IRGM: variants seen among roughly 807,000 people sequenced by gnomAD.
IRGM encodes immunity-related GTPase family M protein.
For missense variants in IRGM, 288 were observed against 219.9 expected, an observed-to-expected ratio of 1.31 and a Z score of -1.96; for synonymous variants, 98 against 80.6, an observed-to-expected ratio of 1.22 and a Z score of -1.16.
downstream of IRGM, chr5:150,848,739 A>T (rs951961808): frequency 2.7e-6 from 3 of 1,092,022 alleles, no homozygotes; most frequent in Non-Finnish European, 3.9e-6. Flanking sequence ...CACTGGACTC[A>T]TTGAAACACA....
chr5:150,882,018 C>CA (rs1754452931), intron 3 of IRGM, among the ~76,000 whole-genome samples: 2 of 151,934 alleles, frequency 1.3e-5, no homozygotes, highest in South Asian at 4.2e-4. Context: ...ACTGTCTCTG[C>CA]AAAAAATACA....
At chr5:150,853,522 G>C (rs140669933), downstream of IRGM, among the ~76,000 whole-genome samples, 144 of 152,156 alleles carry the variant, frequency 9.5e-4, 1 homozygote, top group African/African-American at 3.3e-3. Context: ...TATTACTGTA[G>C]ACCTGTCTAT....
chr5:150,897,138 A>G, intron 3 of IRGM: 1 of 497,604 alleles, frequency 2.0e-6, no homozygotes, highest in South Asian at 4.6e-5. Context: ...TCAGGTGAAT[A>G]GACAGACAAG....
chr5:150,858,309 T>C (rs904391713), intron 1 of IRGM, among the ~76,000 whole-genome samples: 2 of 152,224 alleles, frequency 1.3e-5, no homozygotes, highest in Non-Finnish European at 2.9e-5. Context: ...ACCAGTACCA[T>C]GCTGTTTTGG....
intron 1 of IRGM, among the ~76,000 whole-genome samples, chr5:150,866,592 A>G (rs1028678161): frequency 6.6e-6 from 1 of 152,210 alleles, no homozygotes; most frequent in Admixed American, 6.5e-5. Context: ...AAAGGAGAGT[A>G]TAAGTTTGAA....
downstream of IRGM, among the ~76,000 whole-genome samples, chr5:150,851,647 C>T (rs1336492921): frequency 1.3e-5 from 2 of 152,110 alleles, no homozygotes; most frequent in Non-Finnish European, 2.9e-5. Flanking sequence ...TGATTCAATC[C>T]CTTGCCACTC....
At chr5:150,890,452 T>G (rs997123357) in intron 3 of IRGM, among the ~76,000 whole-genome samples, 1 of 151,914 alleles carries the variant, frequency 6.6e-6, no homozygotes, top group Non-Finnish European at 1.5e-5. Context: ...GCTTTTGATG[T>G]ATTTTCTTTT....
chr5:150,877,251 A>G (rs1376785261), intron 1 of IRGM, among the ~76,000 whole-genome samples: 6 of 152,018 alleles, frequency 3.9e-5, no homozygotes, highest in Non-Finnish European at 7.4e-5. Flanking sequence ...GTCAAAGGAG[A>G]TTAACATTTG....
At position 150,885,139 on chromosome 5, in the gene IRGM, C is replaced by A. The variant is rs753332929; in HGVS notation, c.*140+5493C>A. Among the ~76,000 whole-genome samples, 31 of 152,052 alleles carry A rather than the reference C, an allele frequency of 2.0e-4. 1 individual carries two copies. The highest frequency in any genetic ancestry group is 2.9e-4 in the Non-Finnish European group (20 of 67,980). On this transcript the variant is annotated intron_variant and NMD_transcript_variant, in intron 3 of 3. Coordinates refer to the IRGM transcript ENST00000520549. Reference sequence around the variant, plus strand: ...GCTTCAATCTTCTTTATATGGATAGCCAGTTTATTAACCCAGCACCATTTA... The same window carrying A: ...GCTTCAATCTTCTTTATATGGATAGACAGTTTATTAACCCAGCACCATTTA...
At chr5:150,896,797 C>A (rs772660444) in intron 3 of IRGM, 28 of 1,613,730 alleles carry the variant, frequency 1.7e-5, no homozygotes, top group Non-Finnish European at 2.3e-5. Flanking sequence ...ACAAATGTGA[C>A]CTGCCTGAAG....
chr5:150,883,116 A>G (rs1754469426), intron 3 of IRGM, among the ~76,000 whole-genome samples: 1 of 152,120 alleles, frequency 6.6e-6, no homozygotes. Flanking sequence ...CTAACAACCA[A>G]TGGATCAATG....
chr5:150,866,667 T>C lies in IRGM; in HGVS notation c.159-11313T>C, dbSNP rs529026048. ...CCCATGTACAGATATTAAAACAAGATATTGTAACCCCACCAGCTCTTATTC... is the reference window on the plus strand; with the variant it reads ...CCCATGTACAGATATTAAAACAAGACATTGTAACCCCACCAGCTCTTATTC... On this transcript the variant is annotated intron_variant and NMD_transcript_variant, in intron 1 of 3. Transcript: ENST00000520549. Among the ~76,000 whole-genome samples, 64 of 152,312 alleles carry C rather than the reference T, an allele frequency of 4.2e-4. 1 individual carries two copies. Among genetic ancestry groups the C allele is most frequent in the African/African-American group, 1.5e-3 (63 of 41,570 alleles).
intron 3 of IRGM, chr5:150,895,757 T>C (rs1201622221): frequency 6.2e-7 from 1 of 1,613,552 alleles, no homozygotes; most frequent in East Asian, 2.2e-5. Flanking sequence ...ATTCACTACA[T>C]TTATAGGGTT....
In IRGM at chr5:150,862,654, T is replaced by C. The variant is rs146381204; in HGVS notation, c.158+14000T>C. On this transcript the variant is annotated intron_variant and NMD_transcript_variant, in intron 1 of 3. Coordinates refer to the IRGM transcript ENST00000520549. The stretch of plus-strand genomic sequence containing the variant: ...ATCAGCCTAAATTTTTGAGCTGACC[T>C]ACTCTAGGTATGTAAAAGAGGTAAT... Among the ~76,000 whole-genome samples the C allele has an allele frequency of 9.5e-4, 144 of 152,344 alleles. 1 individual carries two copies. The highest frequency in any genetic ancestry group is 3.3e-3 in the African/African-American group (138 of 41,578).
chr5:150,851,003 G>A (rs1234604926), downstream of IRGM, among the ~76,000 whole-genome samples: 1 of 152,176 alleles, frequency 6.6e-6, no homozygotes, highest in Non-Finnish European at 1.5e-5. Context: ...TAACTGAAAT[G>A]TGTTTGGAAA....
intron 3 of IRGM, among the ~76,000 whole-genome samples, chr5:150,881,145 C>T (rs1028552907): frequency 2.7e-5 from 4 of 150,174 alleles, no homozygotes; most frequent in Non-Finnish European, 5.9e-5. Flanking sequence ...AAAAAAATAG[C>T]TTCGATTTTT....
At chr5:150,876,653 T>G (rs1754367197) in intron 1 of IRGM, among the ~76,000 whole-genome samples, 1 of 152,140 alleles carries the variant, frequency 6.6e-6, no homozygotes, top group African/African-American at 2.4e-5. Flanking sequence ...TGAGGGTCAT[T>G]GGGAAACTGC....
chr5:150,869,145 T>A (rs1754246854), intron 1 of IRGM, among the ~76,000 whole-genome samples: 1 of 152,224 alleles, frequency 6.6e-6, no homozygotes, highest in African/African-American at 2.4e-5. Context: ...TTTATTACCT[T>A]AAGGTATGTC....
At chr5:150,891,755 GA>G (rs1386747494) in intron 3 of IRGM, among the ~76,000 whole-genome samples, 4 of 152,074 alleles carry the variant, frequency 2.6e-5, no homozygotes, top group African/African-American at 9.7e-5. Context: ...AATTGTGTAT[GA>G]TATGGCACTT....
Sources: allele counts gnomAD v4.1 joint callset (sites outside exome capture counted in the v4.1 genomes callset), GRCh38; gene constraint gnomAD v4.1.1; transcripts MANE v1.5; gene names NCBI Gene and HGNC (gene_info 2026-07-23, HGNC 2026-07-21).